Variants in CTNNA3 observed in about 807,000 individuals in gnomAD.
CTNNA3 encodes catenin alpha 3, also known as catenin alpha-3.
CTNNA3 carries 76 observed loss-of-function variants against 95.7 expected under a neutral mutation model. That is an observed-to-expected ratio of 0.79 (90% CI 0.66 to 0.96). The LOEUF is 0.96. Ranked by LOEUF, CTNNA3 falls within the 40% of genes least tolerant of loss-of-function variation. The probability of loss-of-function intolerance (pLI) is 0.00; values close to 1 mark genes in which losing one functional copy is unlikely to be tolerated. For missense variants in CTNNA3, 1,191 were observed against 1,089.8 expected (o/e 1.09, Z -1.31); for synonymous variants, 431 against 374.4 (o/e 1.15, Z -1.74).
intron 5 of CTNNA3, among the ~76,000 whole-genome samples, chr10:67,446,057 T>C (rs1300275412): frequency 6.6e-6 from 1 of 152,052 alleles, no homozygotes; most frequent in Non-Finnish European, 1.5e-5. Flanking sequence ...AATCTTTCAT[T>C]CAACAAACGC....
intron 5 of CTNNA3, among the ~76,000 whole-genome samples, chr10:67,511,495 GTTTAT>G (rs1839627436): frequency 6.6e-6 from 1 of 152,160 alleles, no homozygotes; most frequent in Admixed American, 6.5e-5. Context: ...GATGGATTAT[GTTTAT>G]TGATTTGCAT....
chr10:66,284,524 C>G (rs566721112), intron 12 of CTNNA3, among the ~76,000 whole-genome samples: 9 of 151,906 alleles, frequency 5.9e-5, no homozygotes, highest in Admixed American at 6.6e-5. Flanking sequence ...CAGACCTACA[C>G]AGCCAAGTTC....
Position 67,237,120 on chromosome 10 carries a change from G to GTATATA in CTNNA3, c.580-17251_580-17250insTATATA, listed in dbSNP as rs1491319724. 4.3e-3 allele frequency among the ~76,000 whole-genome samples: 68 copies of GTATATA among 15,642 alleles called. 4 individuals carry two copies. The highest frequency in any genetic ancestry group is 5.5e-3 in the Non-Finnish European group (52 of 9,538). The allele number at this position is 15,642 out of a possible 152,430, so 10.3% of individuals were successfully genotyped here. A position where few individuals can be genotyped will look rare whatever the true frequency, so the allele number is the denominator to read the frequency against. ...TCAATGAGTGGATAAAGAAACTATG[G>GTATATA]TGTATGTATATATATATATATATAT... On this transcript the variant is annotated intron_variant, in intron 5 of 17. Transcript: ENST00000433211.
intron 11 of CTNNA3, among the ~76,000 whole-genome samples, chr10:66,413,877 G>C (rs1056977025): frequency 2.2e-4 from 33 of 152,070 alleles, no homozygotes; most frequent in Admixed American, 2.0e-4. Flanking sequence ...TCAACAATAG[G>C]TACAACTTTG....
intron 9 of CTNNA3, among the ~76,000 whole-genome samples, chr10:66,654,109 A>G (rs1320381846): frequency 1.3e-5 from 2 of 152,126 alleles, no homozygotes; most frequent in Non-Finnish European, 2.9e-5. Context: ...GACAAATGGG[A>G]TTACATTATG....
At chr10:66,401,927 T>C (rs902197182) in intron 11 of CTNNA3, among the ~76,000 whole-genome samples, 2 of 152,230 alleles carry the variant, frequency 1.3e-5, no homozygotes, top group Admixed American at 1.3e-4. Flanking sequence ...CCAAAAGTGT[T>C]GGGATTACAG....
intron 2 of CTNNA3, among the ~76,000 whole-genome samples, chr10:67,621,355 C>G (rs1392627589): frequency 6.6e-6 from 1 of 152,138 alleles, no homozygotes; most frequent in African/African-American, 2.4e-5. Context: ...ACAAACCACT[C>G]CATCATACTT....
chr10:67,530,265 T>A (rs1483111803), intron 4 of CTNNA3, among the ~76,000 whole-genome samples: 1 of 151,900 alleles, frequency 6.6e-6, no homozygotes, highest in Non-Finnish European at 1.5e-5. Context: ...GTTGGAACAG[T>A]TTGGAGGGCT....
intron 5 of CTNNA3, among the ~76,000 whole-genome samples, chr10:67,421,155 G>A (rs1382765698): frequency 6.6e-6 from 1 of 152,126 alleles, no homozygotes; most frequent in Admixed American, 6.6e-5. Flanking sequence ...AATCTATGGA[G>A]CATGCCTCCT....
chr10:66,555,737 T>G (rs1842369423), intron 10 of CTNNA3, among the ~76,000 whole-genome samples: 1 of 152,102 alleles, frequency 6.6e-6, no homozygotes. Context: ...AAGGCTAATA[T>G]TCCATTTTCT....
rs561338191 is a variant in CTNNA3 at position 66,734,727 on chromosome 10, G to T, written c.1281+31537C>A. The stretch of plus-strand genomic sequence containing the variant: ...AAATACAAAAAATTAGCCGGGCGTG[G>T]TGGCAGGCGCCTGTAATTCCAGCTA... On this transcript the variant is annotated intron_variant, in intron 9 of 17. Coordinates refer to ENST00000433211, the MANE Select transcript of CTNNA3 (RefSeq NM_013266.4). Among the ~76,000 whole-genome samples, 51 of 152,166 alleles carry T rather than the reference G, an allele frequency of 3.4e-4. No homozygotes were observed. The East Asian group carries it at 9.9e-3, about 29-fold the overall frequency.
intron 13 of CTNNA3, among the ~76,000 whole-genome samples, chr10:66,252,178 G>T (rs993896199): frequency 6.6e-6 from 1 of 152,118 alleles, no homozygotes; most frequent in East Asian, 1.9e-4. Flanking sequence ...TTCTATGATG[G>T]TTAAACAAAG....
intron 13 of CTNNA3, among the ~76,000 whole-genome samples, chr10:66,173,574 T>C (rs1335614021): frequency 6.6e-6 from 1 of 151,644 alleles, no homozygotes; most frequent in Non-Finnish European, 1.5e-5. Flanking sequence ...TTTCAGCCAC[T>C]CAGAAAGCTG....
At chr10:67,243,783 A>G (rs967290245) in intron 5 of CTNNA3, among the ~76,000 whole-genome samples, 5 of 152,218 alleles carry the variant, frequency 3.3e-5, no homozygotes, top group African/African-American at 4.8e-5. Flanking sequence ...CTTACATTCT[A>G]TCACACACAG....
At chr10:67,381,394 A>G (rs1177913908) in intron 5 of CTNNA3, among the ~76,000 whole-genome samples, 1 of 151,812 alleles carries the variant, frequency 6.6e-6, no homozygotes, top group African/African-American at 2.4e-5. Context: ...AATCCAAAAG[A>G]CTCTATTTTG....
chr10:66,022,359 G>T (rs1016968440), intron 15 of CTNNA3, among the ~76,000 whole-genome samples: 14 of 152,028 alleles, frequency 9.2e-5, no homozygotes, highest in Non-Finnish European at 7.3e-5. Flanking sequence ...CAACCTATGC[G>T]CAAAGTACAA....
chr10:66,721,886 G>GAA (rs1009606538), intron 9 of CTNNA3, among the ~76,000 whole-genome samples: 1 of 152,012 alleles, frequency 6.6e-6, no homozygotes, highest in Non-Finnish European at 1.5e-5. Context: ...AGATTAGGAG[G>GAA]AAAAAAACCT....
At chr10:67,117,108 C>T (rs1240809227) in intron 7 of CTNNA3, among the ~76,000 whole-genome samples, 5 of 151,896 alleles carry the variant, frequency 3.3e-5, no homozygotes, top group Admixed American at 1.3e-4. Context: ...AGCCAGGCTG[C>T]CATGAATTGA....
At chr10:66,025,430 T>A (rs10996835) in intron 15 of CTNNA3, among the ~76,000 whole-genome samples, 18,466 of 152,196 alleles carry the variant, frequency 0.12, 1,303 homozygotes, top group Non-Finnish European at 0.16. Context: ...CAAACACCCA[T>A]GGGTCAAGTC....
Sources: gnomAD v4.1 joint callset for allele counts (sites outside exome capture counted in the v4.1 genomes callset) on GRCh38, gnomAD v4.1.1 for gene constraint, MANE v1.5 for transcripts, NCBI Gene and HGNC (gene_info 2026-07-23, HGNC 2026-07-21) for gene names.